Variants in CTNND2 observed in about 807,000 individuals in gnomAD.
CTNND2 encodes catenin delta-2.
CTNND2 carries 22 observed loss-of-function variants against 144.4 expected under a neutral mutation model. The observed-to-expected ratio is 0.15, with a 90% confidence interval of 0.11 to 0.22. CTNND2 has a LOEUF of 0.22. Ranked by LOEUF, CTNND2 falls within the 10% of genes least tolerant of loss-of-function variation. The pLI is 1.00. For missense variants in CTNND2, 1,353 were observed against 1,618.8 expected, an observed-to-expected ratio of 0.84 and a Z score of 2.82; for synonymous variants, 751 against 695.6, an observed-to-expected ratio of 1.08 and a Z score of -1.25.
At chr5:11,787,748 T>C (rs1388520529) in intron 1 of CTNND2, among the ~76,000 whole-genome samples, 1 of 152,180 alleles carries the variant, frequency 6.6e-6, no homozygotes. Context: ...GCCTGAACAA[T>C]ATGGATTACT....
chr5:11,657,902 C>T (rs1178863055), intron 2 of CTNND2, among the ~76,000 whole-genome samples: 1 of 152,016 alleles, frequency 6.6e-6, no homozygotes, highest in Non-Finnish European at 1.5e-5. Context: ...AACAATGCTT[C>T]ATATTTTGAA....
chr5:11,511,497 C>CGACCATT (rs1173291943), intron 3 of CTNND2, among the ~76,000 whole-genome samples: 1 of 152,096 alleles, frequency 6.6e-6, no homozygotes, highest in African/African-American at 2.4e-5. Context: ...CCCCTCACAT[C>CGACCATT]GACCATTCCC....
intron 3 of CTNND2, among the ~76,000 whole-genome samples, chr5:11,478,808 T>G (rs754222471): frequency 6.6e-6 from 1 of 152,170 alleles, no homozygotes; most frequent in Non-Finnish European, 1.5e-5. Flanking sequence ...TCTGGTAAAC[T>G]TAAATCTGAA....
At chr5:11,131,620 T>C (rs886351592) in intron 12 of CTNND2, among the ~76,000 whole-genome samples, 7 of 152,108 alleles carry the variant, frequency 4.6e-5, no homozygotes, top group African/African-American at 1.4e-4. Context: ...ATCCCGTCTC[T>C]ACTAAAAAAA....
chr5:11,505,126 T>C (rs1770896218), intron 3 of CTNND2, among the ~76,000 whole-genome samples: 1 of 151,878 alleles, frequency 6.6e-6, no homozygotes, highest in African/African-American at 2.4e-5. Context: ...CTAGGTCGAA[T>C]GTTTTGGAAA....
chr5:11,086,649 T>A (rs1023422104), intron 15 of CTNND2, among the ~76,000 whole-genome samples: 1 of 152,216 alleles, frequency 6.6e-6, no homozygotes, highest in African/African-American at 2.4e-5. Flanking sequence ...AATTCCTAGT[T>A]GTATGTATTG....
intron 2 of CTNND2, among the ~76,000 whole-genome samples, chr5:11,642,112 T>C (rs1001517199): frequency 6.6e-6 from 1 of 152,094 alleles, no homozygotes; most frequent in African/African-American, 2.4e-5. Flanking sequence ...CACGGAGTTT[T>C]GAGAACAATT....
At chr5:11,527,126 A>G (rs1268914114) in intron 3 of CTNND2, among the ~76,000 whole-genome samples, 1 of 152,174 alleles carries the variant, frequency 6.6e-6, no homozygotes, top group Non-Finnish European at 1.5e-5. Context: ...AAGATGAAAA[A>G]ATTCTGGAAA....
chr5:11,741,407 T>C lies in CTNND2; in HGVS notation c.38-9135A>G, dbSNP rs187205849. Among the ~76,000 whole-genome samples the C allele has an allele frequency of 4.4e-3, 673 of 152,268 alleles. 3 individuals are homozygous for C. Among genetic ancestry groups the C allele is most frequent in the African/African-American group, 0.016 (647 of 41,534 alleles). On this transcript the variant is annotated intron_variant, in intron 1 of 21. Coordinates refer to ENST00000304623, the MANE Select transcript of CTNND2 (RefSeq NM_001332.4). ...GCAGCCGTAAAAAAGGATGAGTTCA[T>C]GTCCTTTGCAGGGACATGGATGAAG...
chr5:11,710,349 T>G (rs1051821014), intron 2 of CTNND2, among the ~76,000 whole-genome samples: 3 of 152,054 alleles, frequency 2.0e-5, no homozygotes, highest in African/African-American at 7.2e-5. Context: ...GAGATCATCC[T>G]GGCCAACATG....
intron 7 of CTNND2, among the ~76,000 whole-genome samples, chr5:11,380,926 C>T (rs1244606475): frequency 2.0e-5 from 3 of 152,192 alleles, no homozygotes; most frequent in Non-Finnish European, 4.4e-5. Flanking sequence ...TTGATTCTGA[C>T]AGATATCACC....
chr5:11,505,994 A>G (rs1770993575), intron 3 of CTNND2, among the ~76,000 whole-genome samples: 1 of 152,064 alleles, frequency 6.6e-6, no homozygotes, highest in South Asian at 2.1e-4. Flanking sequence ...TCATAACACC[A>G]TGATTAAATG....
chr5:11,627,221 A>G (rs1406308860), intron 2 of CTNND2, among the ~76,000 whole-genome samples: 1 of 152,196 alleles, frequency 6.6e-6, no homozygotes, highest in Non-Finnish European at 1.5e-5. Flanking sequence ...GGCTAGTGGT[A>G]GTGCACTGAA....
chr5:11,216,226 C>T (rs530130673), intron 10 of CTNND2, among the ~76,000 whole-genome samples: 1 of 152,294 alleles, frequency 6.6e-6, no homozygotes, highest in East Asian at 1.9e-4. Context: ...CAATGCCCCC[C>T]CACCGCCACC....
chr5:11,046,150 A>C (rs1002901805), intron 16 of CTNND2, among the ~76,000 whole-genome samples: 3 of 152,266 alleles, frequency 2.0e-5, no homozygotes, highest in African/African-American at 7.2e-5. Flanking sequence ...ATGCGGCCTT[A>C]TGTAGCAACA....
At chr5:11,253,539 C>G (rs544728285) in intron 9 of CTNND2, among the ~76,000 whole-genome samples, 5 of 152,168 alleles carry the variant, frequency 3.3e-5, no homozygotes, top group Non-Finnish European at 5.9e-5. Flanking sequence ...GTAAGACATG[C>G]CTTTCACCTT....
chr5:11,489,752 CAT>C (rs1769209180), intron 3 of CTNND2, among the ~76,000 whole-genome samples: 1 of 152,196 alleles, frequency 6.6e-6, no homozygotes, highest in African/African-American at 2.4e-5. Context: ...TCCTAATTCA[CAT>C]ATGATTGTTA....
intron 8 of CTNND2, among the ~76,000 whole-genome samples, chr5:11,351,444 C>G (rs549476340): frequency 3.0e-4 from 45 of 152,314 alleles, no homozygotes; most frequent in African/African-American, 1.1e-3. Flanking sequence ...TAGATACCTA[C>G]GCTTTCATGA....
chr5:11,171,405 A>C (rs1553990455), intron 11 of CTNND2, among the ~76,000 whole-genome samples: 1 of 152,224 alleles, frequency 6.6e-6, no homozygotes, highest in Non-Finnish European at 1.5e-5. Flanking sequence ...TCACTGGATA[A>C]TAATATTAAC....
Sources: allele counts gnomAD v4.1 joint callset (sites outside exome capture counted in the v4.1 genomes callset), GRCh38; gene constraint gnomAD v4.1.1; transcripts MANE v1.5; gene names NCBI Gene and HGNC (gene_info 2026-07-23, HGNC 2026-07-21).